The following AMPH variants were observed in gnomAD, a reference collection of about 807,000 sequenced individuals.
The protein encoded by AMPH is amphiphysin (Stiff-Mann syndrome with breast cancer 128kD autoantigen).
A neutral mutation model predicts 99.1 loss-of-function variants in AMPH; 49 were observed. The ratio of observed to expected loss-of-function variants is 0.49; its 90% CI spans 0.39 to 0.63. The LOEUF is 0.63. Ranked by LOEUF, AMPH falls within the 20% of genes least tolerant of loss-of-function variation. The probability of loss-of-function intolerance (pLI) is 0.00; values close to 1 mark genes in which losing one functional copy is unlikely to be tolerated. For synonymous variants in AMPH, 314 were observed against 317.3 expected (o/e 0.99, Z 0.11); for missense variants, 759 against 863.4 (o/e 0.88, Z 1.52).
At chr7:38,580,145 A>G (rs986461681) in intron 1 of AMPH, among the ~76,000 whole-genome samples, 2 of 152,354 alleles carry the variant, frequency 1.3e-5, no homozygotes, top group South Asian at 2.1e-4. Context: ...ATGCTTAATT[A>G]TAAGACTTTT....
chr7:38,388,674 C>G (rs568782391), intron 20 of AMPH, among the ~76,000 whole-genome samples: 2 of 144,840 alleles, frequency 1.4e-5, no homozygotes, highest in South Asian at 2.1e-4. Flanking sequence ...GGGTCTTGCT[C>G]TGTTACCCAG....
chr7:38,418,120 G>C, intron 16 of AMPH, 170 bp from the exon 17 acceptor site: 1 of 581,478 alleles, frequency 1.7e-6, no homozygotes, highest in Non-Finnish European at 2.8e-6. Flanking sequence ...TTTAGAGAAT[G>C]GAAAAGACTA....
intron 17 of AMPH, among the ~76,000 whole-genome samples, chr7:38,408,160 C>A (rs560250903): frequency 6.6e-6 from 1 of 152,268 alleles, no homozygotes; most frequent in African/African-American, 2.4e-5. Context: ...ATCCCATAAC[C>A]AAGAAGACCA....
chr7:38,495,450 A>G (rs1437091744), intron 3 of AMPH, among the ~76,000 whole-genome samples: 1 of 152,160 alleles, frequency 6.6e-6, no homozygotes, highest in Non-Finnish European at 1.5e-5. Flanking sequence ...CCTGGACAAG[A>G]TGCATATCAT....
At chr7:38,395,225 A>T (rs1784634432) in intron 17 of AMPH, among the ~76,000 whole-genome samples, 1 of 55,870 alleles carries the variant, frequency 1.8e-5, no homozygotes, top group Non-Finnish European at 4.2e-5. Context: ...CTTTCACAGG[A>T]AAAAAAAATA....
intron 16 of AMPH, among the ~76,000 whole-genome samples, chr7:38,419,074 A>C (rs1785495111): frequency 6.6e-6 from 1 of 151,966 alleles, no homozygotes; most frequent in Non-Finnish European, 1.5e-5. Flanking sequence ...TCACCAGAAC[A>C]CTTAAACTAA....
At chr7:38,533,187 C>G (rs747708819) in intron 2 of AMPH, among the ~76,000 whole-genome samples, 1 of 152,140 alleles carries the variant, frequency 6.6e-6, no homozygotes, top group African/African-American at 2.4e-5. Context: ...TGTGAAGACC[C>G]TCTTCTCCTA....
chr7:38,429,705 G>A (rs1785930151), intron 14 of AMPH, 137 bp downstream of exon 14: 1 of 1,277,662 alleles, frequency 7.8e-7, no homozygotes, highest in South Asian at 1.4e-5. Context: ...ACTGGAAAGT[G>A]ATTACATTCA....
At chr7:38,538,743 T>C (rs963345904) in intron 1 of AMPH, among the ~76,000 whole-genome samples, 7 of 152,154 alleles carry the variant, frequency 4.6e-5, no homozygotes, top group Admixed American at 1.3e-4. Flanking sequence ...CATAATGGCT[T>C]ATGGGATGAA....
rs565906892 is a variant in AMPH, at chr7:38,558,095, G to A, written c.70-23084C>T. ...ATGAAACATTTAAGAGGTAAAAACCGCAAGACAAAGTAACCACAAAGCTGC... is the reference window on the plus strand; with the variant it reads ...ATGAAACATTTAAGAGGTAAAAACCACAAGACAAAGTAACCACAAAGCTGC... On this transcript the variant is annotated intron_variant, in intron 1 of 20. Transcript: ENST00000356264. Among the ~76,000 whole-genome samples the A allele has an allele frequency of 7.3e-4, 111 of 152,236 alleles. 1 individual carries two copies. The highest frequency in any genetic ancestry group is 3.4e-3 in the Middle Eastern group (1 of 294).
chr7:38,384,674 A>G lies in AMPH; in HGVS notation c.*144T>C, dbSNP rs1784302305. 1.5e-6 allele frequency: 1 copy of G among 656,530 alleles called. No homozygotes were observed. The highest frequency in any genetic ancestry group is 2.6e-6 in the Non-Finnish European group (1 of 379,914). 40.7% of individuals were successfully genotyped at this position (656,530 alleles called of 1,614,324 possible). A position where few individuals can be genotyped will look rare whatever the true frequency, so the allele number is the denominator to read the frequency against. The stretch of plus-strand genomic sequence containing the variant: ...TTTCCTCTTACATTTTTTTGCACAC[A>G]TGCTCCATTGATACATCTTCCCAAG... On this transcript the variant is annotated 3_prime_UTR_variant, in exon 21 of 21. Transcript: ENST00000356264.
Position 38,494,546 on chromosome 7 carries a change from A to G in AMPH, c.206-19T>C, listed in dbSNP as rs377552392. On this transcript the variant is annotated intron_variant, in intron 3 of 20. Transcript: ENST00000356264. The stretch of plus-strand genomic sequence containing the variant: ...TGCATGCCTAGTGTTGGAGAGAAAC[A>G]ACTCCCGTTACACAGAAATGAGTGA... 32 of 1,602,706 alleles carry G rather than the reference A, an allele frequency of 2.0e-5. No individual in the cohort carries two copies. The Admixed American group carries it at 2.0e-4, about 10-fold the overall frequency.
rs574075881 is a variant in AMPH at position 38,595,650 on chromosome 7, G to A, written c.69+35633C>T. 1.1e-4 allele frequency among the ~76,000 whole-genome samples: 17 copies of A among 152,158 alleles called. No individual in the cohort carries two copies. In the South Asian group the frequency reaches 3.5e-3, roughly 32 times the overall value. ...GTATATTGCTTGATGCTAAGGTTTG[G>A]GATATGACTGTACCCATCACCCAGG... is the stretch of plus-strand genomic sequence containing the variant. On this transcript the variant is annotated intron_variant, in intron 1 of 20. Coordinates refer to ENST00000356264, the MANE Select transcript of AMPH (RefSeq NM_001635.4).
At chr7:38,470,564 C>A (rs1253272451) in intron 7 of AMPH, among the ~76,000 whole-genome samples, 1 of 152,054 alleles carries the variant, frequency 6.6e-6, no homozygotes, top group Non-Finnish European at 1.5e-5. Context: ...AAGGCTTTTC[C>A]ACAGTCCCCT....
intron 11 of AMPH, among the ~76,000 whole-genome samples, chr7:38,438,493 C>T (rs1384033306): frequency 6.6e-6 from 1 of 151,578 alleles, no homozygotes; most frequent in Non-Finnish European, 1.5e-5. Flanking sequence ...AATTAGGAAC[C>T]CCAAAAATCT....
At chr7:38,437,676 T>C (rs1786329580) in intron 11 of AMPH, among the ~76,000 whole-genome samples, 2 of 148,074 alleles carry the variant, frequency 1.4e-5, no homozygotes, top group Admixed American at 6.8e-5. Context: ...TGGTGGTGCA[T>C]GACCGTAGTC....
chr7:38,431,346 T>C (rs1786013211), intron 13 of AMPH, among the ~76,000 whole-genome samples: 1 of 152,014 alleles, frequency 6.6e-6, no homozygotes, highest in East Asian at 1.9e-4. Context: ...GAGAAAAAAA[T>C]GATGCTTAGA....
intron 17 of AMPH, among the ~76,000 whole-genome samples, chr7:38,394,433 T>C (rs530628723): frequency 5.3e-5 from 8 of 152,364 alleles, no homozygotes; most frequent in Admixed American, 3.3e-4. Context: ...TCCTCAGCTT[T>C]CCCTGCTGTC....
chr7:38,430,097 G>C, intron 13 of AMPH: 1 of 518,320 alleles, frequency 1.9e-6, no homozygotes, highest in East Asian at 3.3e-5. Flanking sequence ...TCACTTTCTA[G>C]CATCAGCAAG....
Sources: allele counts gnomAD v4.1 joint callset (sites outside exome capture counted in the v4.1 genomes callset), GRCh38; gene constraint gnomAD v4.1.1; transcripts MANE v1.5; gene names NCBI Gene and HGNC (gene_info 2026-07-23, HGNC 2026-07-21).